SNAPC3: variants seen among roughly 807,000 people sequenced by gnomAD.
SNAPC3 encodes snRNA-activating protein complex subunit 3.
A neutral mutation model predicts 47.7 loss-of-function variants in SNAPC3; 56 were observed. The ratio of observed to expected loss-of-function variants is 1.18; its 90% confidence interval spans 0.95 to 1.47. The LOEUF is 1.47. Ranked by LOEUF, SNAPC3 falls within the 40% of genes most tolerant of loss-of-function variation. SNAPC3 has a pLI of 0.00. For missense variants in SNAPC3, 665 were observed against 511.3 expected (o/e 1.30, Z -2.90); for synonymous variants, 235 against 189.9 (o/e 1.24, Z -1.95).
At chr9:15,444,973 A>C (rs2033808658) in intron 4 of SNAPC3, among the ~76,000 whole-genome samples, 1 of 152,148 alleles carries the variant, frequency 6.6e-6, no homozygotes, top group Non-Finnish European at 1.5e-5. Flanking sequence ...CACATCTGTA[A>C]TCCCAACTAC....
At chr9:15,458,615 T>A (rs1476120747) in intron 8 of SNAPC3, among the ~76,000 whole-genome samples, 2 of 152,174 alleles carry the variant, frequency 1.3e-5, no homozygotes, top group Non-Finnish European at 2.9e-5. Context: ...TTTTACTTTA[T>A]GTGATTCTAC....
intron 6 of SNAPC3, among the ~76,000 whole-genome samples, 174 bp from the exon 7 acceptor site, chr9:15,452,867 T>C (rs549707374): frequency 1.3e-4 from 20 of 152,366 alleles, no homozygotes; most frequent in African/African-American, 4.8e-4. Context: ...TTATGAAAAT[T>C]CAGCGTTCCT....
chr9:15,450,717 G>A (rs558366739), intron 5 of SNAPC3, among the ~76,000 whole-genome samples: 1 of 152,296 alleles, frequency 6.6e-6, no homozygotes, highest in African/African-American at 2.4e-5. Context: ...TAATTAATGA[G>A]TCTGAGTTGA....
intron 2 of SNAPC3, among the ~76,000 whole-genome samples, chr9:15,429,498 A>G (rs954537250): frequency 5.3e-5 from 8 of 152,160 alleles, no homozygotes; most frequent in Non-Finnish European, 8.8e-5. Flanking sequence ...AAAAATGGAT[A>G]ATGTGTGGGC....
At chr9:15,456,295 C>T (rs1270417597) in intron 7 of SNAPC3, among the ~76,000 whole-genome samples, 2 of 152,204 alleles carry the variant, frequency 1.3e-5, no homozygotes, top group African/African-American at 4.8e-5. Context: ...CAGGCAAGAG[C>T]CACTGCGCCT....
At chr9:15,433,500 G>T in intron 2 of SNAPC3, 52 bp from the exon 3 acceptor site, 1 of 1,118,974 alleles carries the variant, frequency 8.9e-7, no homozygotes, top group Non-Finnish European at 1.3e-6. Flanking sequence ...TTTGAAGCCC[G>T]AATAACAAAT....
Position 15,453,078 on chromosome 9 carries a change from T to TA in SNAPC3, c.854dup (p.Tyr285Ter). Residue 285 changes from tyrosine (Y) to a stop codon, truncating the protein, a stop_gained and frameshift_variant, in exon 7 of 9, where the codon TAT (tyrosine) becomes TAAT (stop). Coordinates refer to ENST00000380821, the MANE Select transcript of SNAPC3 (RefSeq NM_001039697.2). LOFTEE classifies it high-confidence loss of function. ...GTGGTCAGAGTCCCATGATAGAGGC[T>TA]ATGGAAAGTTTCAGACTGCTAGAAT... ...IEWSESHDRG[Y>*]GKFQTARMED... 1 of 1,613,804 alleles carries TA rather than the reference T, an allele frequency of 6.2e-7. No individual in the cohort carries two copies. Among genetic ancestry groups the TA allele is most frequent in the Non-Finnish European group, 8.5e-7 (1 of 1,179,710 alleles).
rs991894309 is a variant in SNAPC3, at chr9:15,439,633, C to G, written c.478-4969C>G. On this transcript the variant is annotated intron_variant, in intron 3 of 8. Coordinates refer to ENST00000380821, the MANE Select transcript of SNAPC3 (RefSeq NM_001039697.2). ...CACTGTAATTTCTGCCTCCTGGGTT[C>G]AAGTGAATCTTGTGCCTCAGCCTCC... Among the ~76,000 whole-genome samples, 5 of 152,108 alleles carry G rather than the reference C, an allele frequency of 3.3e-5. No homozygotes were observed. In the East Asian group the frequency reaches 9.6e-4, roughly 29 times the overall value.
chr9:15,442,663 A>G (rs1177527688), intron 3 of SNAPC3, among the ~76,000 whole-genome samples: 1 of 151,144 alleles, frequency 6.6e-6, no homozygotes, highest in African/African-American at 2.4e-5. Context: ...GGCGGCCAGG[A>G]AGAGACGCTC....
intron 3 of SNAPC3, among the ~76,000 whole-genome samples, chr9:15,438,091 A>C (rs975034784): frequency 1.3e-5 from 2 of 152,210 alleles, no homozygotes; most frequent in African/African-American, 4.8e-5. Context: ...AGAATTTACC[A>C]GTGAAGTCAT....
downstream of SNAPC3, chr9:15,462,724 A>G (rs1273158065): frequency 6.6e-6 from 1 of 152,234 alleles, no homozygotes; most frequent in Non-Finnish European, 1.5e-5. Context: ...TAGACATTCT[A>G]GTTTTACTAG....
intron 2 of SNAPC3, among the ~76,000 whole-genome samples, chr9:15,433,239 C>G (rs1488074577): frequency 2.0e-5 from 3 of 150,516 alleles, no homozygotes; most frequent in African/African-American, 7.3e-5. Context: ...ATAACAGATG[C>G]CATGTGGGAT....
chr9:15,461,709 A>G (rs563350750), downstream of SNAPC3: 6 of 152,366 alleles, frequency 3.9e-5, no homozygotes, highest in African/African-American at 1.2e-4. Context: ...GACGAAACCT[A>G]TAAGCCTATG....
intron 3 of SNAPC3, among the ~76,000 whole-genome samples, chr9:15,442,824 G>C (rs577562619): frequency 2.7e-4 from 41 of 152,320 alleles, no homozygotes; most frequent in Admixed American, 8.5e-4. Context: ...GCAGGCGGCT[G>C]GGAGGTGGAG....
chr9:15,447,272 A>G (rs1266983336), intron 5 of SNAPC3, 28 bp downstream of exon 5: 1 of 1,608,180 alleles, frequency 6.2e-7, no homozygotes, highest in East Asian at 2.2e-5. Flanking sequence ...CATAAAACAA[A>G]AGGAAATAAC....
rs2033783728 is a variant in SNAPC3, at chr9:15,444,670, A to G, written c.546A>G (p.Leu182=). The stretch of plus-strand genomic sequence containing the variant: ...TGATTGAAGAAGGGGAGCTTATCCT[A>G]TCTGTGAATATCTTGTACCCTGTTA... ...ADMIEEGELI[L]SVNILYPVIF... Residue 182 remains leucine (L), a synonymous_variant, in exon 4 of 9, where the codon CTA becomes CTG. Coordinates refer to ENST00000380821, the MANE Select transcript of SNAPC3 (RefSeq NM_001039697.2). 7.5e-6 allele frequency: 12 copies of G among 1,608,958 alleles called. No individual in the cohort carries two copies. Among genetic ancestry groups the G allele is most frequent in the South Asian group, 1.1e-5 (1 of 90,934 alleles).
intron 2 of SNAPC3, among the ~76,000 whole-genome samples, chr9:15,426,900 T>C (rs1338609425): frequency 6.6e-6 from 1 of 152,190 alleles, no homozygotes; most frequent in African/African-American, 2.4e-5. Context: ...TACATGACCA[T>C]TGTTAACCTT....
chr9:15,423,177 C>T lies in SNAPC3; in HGVS notation c.298C>T (p.Leu100=). Residue 100 remains leucine, a synonymous_variant, in exon 1 of 9, where the codon CTG becomes TTG. Transcript: ENST00000380821. ...CTGCAGCCTGGAGGCGGCGGCTGAG[C>T]TGAGGGCGGTGTGCGGGTGAGTGCG... ...LDCSLEAAAE[L]RAVCGLDKLK... is the part of the protein sequence containing the mutation. 1 of 1,579,034 alleles carries T rather than the reference C, an allele frequency of 6.3e-7. No individual in the cohort carries two copies.
chr9:15,443,686 G>T (rs897363125), intron 3 of SNAPC3, among the ~76,000 whole-genome samples: 1 of 152,058 alleles, frequency 6.6e-6, no homozygotes. Context: ...ACCTGGACCA[G>T]GCACTCGGCA....
Sources: gnomAD v4.1 joint callset for allele counts (sites outside exome capture counted in the v4.1 genomes callset) on GRCh38, gnomAD v4.1.1 for gene constraint, MANE v1.5 for transcripts, NCBI Gene and HGNC (gene_info 2026-07-23, HGNC 2026-07-21) for gene names.